Variants in FBLN2 observed in about 807,000 individuals in gnomAD.
The protein encoded by FBLN2 is fibulin-2.
In FBLN2, 81 loss-of-function variants were observed where a neutral mutation model predicts 123.7. That is an observed-to-expected ratio of 0.65 (90% CI 0.55 to 0.79). The LOEUF is 0.79. Ranked by LOEUF, FBLN2 falls within the 30% of genes least tolerant of loss-of-function variation. The probability of loss-of-function intolerance (pLI) is 0.00; values close to 1 mark genes in which losing one functional copy is unlikely to be tolerated. For missense variants in FBLN2, 1,603 were observed against 1,681.3 expected (o/e 0.95, Z 0.81); for synonymous variants, 699 against 701.4 (o/e 1.00, Z 0.05).
Position 13,571,235 on chromosome 3 carries a change from GAGCAGCTGGC to G in FBLN2, c.886_895del (p.Leu296ValfsTer58), listed in dbSNP as rs1183547091. ...GGAGAGAGAGGAAATGGCTGTCACT[GAGCAGCTGGC>G]AGCAGGTGGCCACAGGGGGCTGGAT... On this transcript the variant is annotated frameshift_variant, in exon 2 of 18. Transcript: ENST00000404922. LOFTEE classifies it high-confidence loss of function. 1 of 1,569,238 alleles carries G rather than the reference GAGCAGCTGGC, an allele frequency of 6.4e-7. No homozygotes were observed. Among genetic ancestry groups the G allele is most frequent in the African/African-American group, 1.4e-5 (1 of 73,840 alleles).
intron 2 of FBLN2, among the ~76,000 whole-genome samples, chr3:13,574,347 T>A (rs1452656560): frequency 6.6e-6 from 1 of 152,178 alleles, no homozygotes; most frequent in Non-Finnish European, 1.5e-5. Context: ...TCCGACCTCC[T>A]GAGGGCCGCC....
intron 1 of FBLN2, among the ~76,000 whole-genome samples, chr3:13,565,159 TTC>T (rs1703708136): frequency 6.6e-6 from 1 of 152,130 alleles, no homozygotes; most frequent in African/African-American, 2.4e-5. Flanking sequence ...CCTGTGCACG[TTC>T]AAGTGATGGC....
intron 2 of FBLN2, among the ~76,000 whole-genome samples, chr3:13,575,917 T>G (rs1186795721): frequency 6.6e-6 from 1 of 152,170 alleles, no homozygotes; most frequent in Non-Finnish European, 1.5e-5. Context: ...TGGACTGTGC[T>G]CTGCTGAGAA....
At chr3:13,580,246 G>A (rs371036495) in intron 2 of FBLN2, among the ~76,000 whole-genome samples, 3 of 152,122 alleles carry the variant, frequency 2.0e-5, no homozygotes, top group South Asian at 4.1e-4. Flanking sequence ...AGGAGATATG[G>A]ATGTAATTTT....
chr3:13,600,044 AGC>A (rs781703438), intron 2 of FBLN2, among the ~76,000 whole-genome samples: 184 of 148,032 alleles, frequency 1.2e-3, no homozygotes, highest in African/African-American at 2.0e-3. Flanking sequence ...AGAGAGAGAG[AGC>A]GAGAGAGAGA....
rs905688051 is a variant in FBLN2, at chr3:13,568,992, A to T, written c.-41-1323A>T. On this transcript the variant is annotated intron_variant, in intron 1 of 17. Coordinates refer to ENST00000404922, the MANE Select transcript of FBLN2 (RefSeq NM_001004019.2). ...TAACGAGTCCTGCTGTCCCTCTGTC[A>T]CTGCCCTATGGGGCTGCGCTTTAGG... 8 of 985,630 alleles carry T rather than the reference A, an allele frequency of 8.1e-6. No individual in the cohort carries two copies. In the African/African-American group the frequency reaches 1.4e-4, roughly 17 times the overall value. The allele number at this position is 985,630 out of a possible 1,614,324, so 61.1% of individuals were successfully genotyped here.
chr3:13,569,854 C>A (rs1024570865), intron 1 of FBLN2, among the ~76,000 whole-genome samples: 2 of 151,958 alleles, frequency 1.3e-5, no homozygotes, highest in African/African-American at 4.8e-5. Context: ...TGAGACCGCC[C>A]AGGGTGTGTA....
intron 1 of FBLN2, among the ~76,000 whole-genome samples, chr3:13,556,041 C>T (rs1411791351): frequency 6.6e-6 from 1 of 152,136 alleles, no homozygotes; most frequent in Admixed American, 6.5e-5. Context: ...TGGAGGAGGC[C>T]CCAGCCCTCT....
chr3:13,562,038 C>T (rs549496539), intron 1 of FBLN2, among the ~76,000 whole-genome samples: 19 of 152,314 alleles, frequency 1.2e-4, no homozygotes, highest in African/African-American at 4.3e-4. Flanking sequence ...TAGTTAGACA[C>T]GAACTTGATT....
intron 2 of FBLN2, among the ~76,000 whole-genome samples, chr3:13,579,915 C>A (rs112409601): frequency 7.1e-4 from 108 of 152,382 alleles, no homozygotes; most frequent in African/African-American, 2.5e-3. Flanking sequence ...TGACCCTCAG[C>A]TCATGAGACA....
chr3:13,574,799 A>G (rs887896466), intron 2 of FBLN2, among the ~76,000 whole-genome samples: 6 of 152,110 alleles, frequency 3.9e-5, no homozygotes, highest in Non-Finnish European at 8.8e-5. Flanking sequence ...AACAGCAGCC[A>G]GGGGCGCTAG....
chr3:13,610,727 T>G (rs1198622229), intron 4 of FBLN2, among the ~76,000 whole-genome samples: 1 of 151,978 alleles, frequency 6.6e-6, no homozygotes, highest in Non-Finnish European at 1.5e-5. Context: ...CTGGTTTTTC[T>G]CTCATATGCT....
intron 4 of FBLN2, among the ~76,000 whole-genome samples, chr3:13,611,385 T>C (rs555586034): frequency 6.6e-6 from 1 of 152,290 alleles, no homozygotes; most frequent in Non-Finnish European, 1.5e-5. Flanking sequence ...AGGAACTTTC[T>C]TATCTTCTCA....
intron 2 of FBLN2, among the ~76,000 whole-genome samples, chr3:13,581,222 TGG>T (rs138166929): frequency 2.4e-5 from 1 of 42,344 alleles, no homozygotes; most frequent in Non-Finnish European, 5.3e-5. Context: ...AGGTGGGGGG[TGG>T]GGGGGAGGTG....
intron 2 of FBLN2, among the ~76,000 whole-genome samples, chr3:13,588,408 G>A (rs984593933): frequency 6.6e-6 from 1 of 152,244 alleles, no homozygotes; most frequent in Non-Finnish European, 1.5e-5. Context: ...ATGATTGTGT[G>A]GGGTGAAGGG....
intron 8 of FBLN2, among the ~76,000 whole-genome samples, chr3:13,621,470 C>T (rs1160867885): frequency 2.0e-5 from 3 of 152,108 alleles, no homozygotes; most frequent in Non-Finnish European, 2.9e-5. Flanking sequence ...GTTCTCTTGG[C>T]GCCCGTGGAT....
At chr3:13,577,222 CA>C (rs34445954) in intron 2 of FBLN2, among the ~76,000 whole-genome samples, 1,204 of 59,922 alleles carry the variant, frequency 0.02, 19 homozygotes, top group African/African-American at 0.068. Context: ...GACTCCGTCT[CA>C]AAAAAAAAAA....
At chr3:13,603,052 A>G (rs1038448103) in intron 2 of FBLN2, among the ~76,000 whole-genome samples, 2 of 151,736 alleles carry the variant, frequency 1.3e-5, no homozygotes, top group Admixed American at 6.6e-5. Context: ...CTGGGATTAC[A>G]GGTGCGCGCC....
At chr3:13,593,229 G>A (rs1211662354) in intron 2 of FBLN2, among the ~76,000 whole-genome samples, 2 of 152,350 alleles carry the variant, frequency 1.3e-5, no homozygotes, top group South Asian at 2.1e-4. Flanking sequence ...CACCTCTGGA[G>A]GGTTGGATCT....
Sources: allele counts gnomAD v4.1 joint callset (sites outside exome capture counted in the v4.1 genomes callset), GRCh38; gene constraint gnomAD v4.1.1; transcripts MANE v1.5; gene names NCBI Gene and HGNC (gene_info 2026-07-23, HGNC 2026-07-21).